Variants in COL5A2 observed in about 807,000 individuals in gnomAD.
The protein encoded by COL5A2 is collagen alpha-2(V) chain.
A neutral mutation model predicts 208.2 loss-of-function variants in COL5A2; 23 were observed. The ratio of observed to expected loss-of-function variants is 0.11; its 90% confidence interval spans 0.08 to 0.16. COL5A2 has a LOEUF of 0.16. Among genes scored for constraint, COL5A2 ranks in the 10% least tolerant of loss-of-function variants. COL5A2 has a pLI of 1.00. For synonymous variants in COL5A2, 625 were observed against 628.5 expected (o/e 0.99, Z 0.08); for missense variants, 1,590 against 1,956.4 (o/e 0.81, Z 3.53).
At chr2:189,080,858 A>C in intron 13 of COL5A2, 132 bp downstream of exon 13, 1 of 758,326 alleles carries the variant, frequency 1.3e-6, no homozygotes, top group Non-Finnish European at 2.4e-6. Context: ...CAGTAACCAC[A>C]GATGAATACT....
chr2:189,434,747 C>A, the COL5A2 span, among the ~76,000 whole-genome samples: 7 of 152,290 alleles, frequency 4.6e-5, no homozygotes, highest in Non-Finnish European at 4.4e-5. Flanking sequence ...AATGGCCATA[C>A]TGCCCAAGGT....
chr2:189,292,275 T>C, the COL5A2 span, among the ~76,000 whole-genome samples: 3 of 152,204 alleles, frequency 2.0e-5, no homozygotes, highest in Non-Finnish European at 4.4e-5. Context: ...AATTGGCTCA[T>C]GATTAACATC....
the COL5A2 span, among the ~76,000 whole-genome samples, chr2:189,253,357 C>A: frequency 6.6e-6 from 1 of 152,214 alleles, no homozygotes; most frequent in Non-Finnish European, 1.5e-5. Flanking sequence ...TCATTTTCCT[C>A]ATTTTTAATG....
chr2:189,048,349 T>C (rs1033163678), intron 44 of COL5A2, 87 bp from the exon 45 acceptor site: 104 of 1,189,648 alleles, frequency 8.7e-5, no homozygotes, highest in Admixed American at 1.8e-5. Flanking sequence ...CAGCATGTTT[T>C]ACACCTGTGT....
intron 2 of COL5A2, among the ~76,000 whole-genome samples, chr2:189,104,760 G>C (rs942979630): frequency 6.6e-6 from 1 of 151,482 alleles, no homozygotes; most frequent in Non-Finnish European, 1.5e-5. Flanking sequence ...TTGGTTTCTC[G>C]TATGTTGTTC....
chr2:189,163,575 AC>A (rs1688411730), intron 1 of COL5A2, among the ~76,000 whole-genome samples: 1 of 152,234 alleles, frequency 6.6e-6, no homozygotes, highest in Non-Finnish European at 1.5e-5. Context: ...CCTTAAATAA[AC>A]CATATTTAGG....
At chr2:189,437,776 G>A in the COL5A2 span, among the ~76,000 whole-genome samples, 3 of 152,092 alleles carry the variant, frequency 2.0e-5, no homozygotes, top group Non-Finnish European at 2.9e-5. Context: ...CAGAGCCCAA[G>A]GGCCTATCAC....
At chr2:189,115,467 C>T (rs978490814) in intron 1 of COL5A2, among the ~76,000 whole-genome samples, 17 of 150,766 alleles carry the variant, frequency 1.1e-4, no homozygotes, top group Non-Finnish European at 2.2e-4. Flanking sequence ...CCAAGAGAGA[C>T]GACTGTATTT....
intron 1 of COL5A2, among the ~76,000 whole-genome samples, chr2:189,133,263 C>T (rs537204773): frequency 1.4e-5 from 2 of 143,810 alleles, no homozygotes; most frequent in East Asian, 4.3e-4. Context: ...TGGGACTACA[C>T]CACCTGCCAC....
chr2:189,313,954 G>C, the COL5A2 span, among the ~76,000 whole-genome samples: 1 of 152,154 alleles, frequency 6.6e-6, no homozygotes, highest in African/African-American at 2.4e-5. Flanking sequence ...CAAGTTCTCA[G>C]AGACCTTCAG....
chr2:189,088,168 GA>G, intron 8 of COL5A2, among the ~76,000 whole-genome samples: 1 of 152,128 alleles, frequency 6.6e-6, no homozygotes, highest in South Asian at 2.1e-4. Context: ...AAATATCCAG[GA>G]AAAAAATGGG....
chr2:189,267,167 C>T, the COL5A2 span, among the ~76,000 whole-genome samples: 1 of 151,910 alleles, frequency 6.6e-6, no homozygotes, highest in Non-Finnish European at 1.5e-5. Context: ...TTATTTTTGA[C>T]CCTAAAAGCA....
At chr2:189,043,316 A>T in intron 47 of COL5A2, 58 bp from the exon 48 acceptor site, 1 of 1,198,528 alleles carries the variant, frequency 8.3e-7, no homozygotes, top group South Asian at 1.3e-5. Flanking sequence ...TGAGACTAAA[A>T]TTTACTAAAA....
At chr2:189,201,289 A>G (rs1399541695) in intron 1 of COL5A2, among the ~76,000 whole-genome samples, 1 of 152,028 alleles carries the variant, frequency 6.6e-6, no homozygotes, top group African/African-American at 2.4e-5. Context: ...ACAAAATATT[A>G]AAAAGAGGTT....
Position 189,043,218 on chromosome 2 carries a change from T to C in COL5A2, c.3404A>G (p.Asp1135Gly). ...GPRGDKGDHG[D>G]RGDRGQKGHR... is the part of the protein sequence containing the mutation. ...GCCCTTCTGACCTCTGTCACCTCGG[T>C]CTCCATGATCACCTTTGTCACCACG... The change falls in exon 48 of 54, where the codon GAC becomes GGC. Residue 1135 changes from aspartate to glycine, a missense_variant. Physicochemically the swap from Asp to Gly is moderately conservative, Grantham distance 94 (BLOSUM62 -1). Coordinates refer to ENST00000374866, the MANE Select transcript of COL5A2 (RefSeq NM_000393.5). 3 of 1,613,936 alleles carry C rather than the reference T, an allele frequency of 1.9e-6. No individual in the cohort carries two copies. The highest frequency in any genetic ancestry group is 2.5e-6 in the Non-Finnish European group (3 of 1,179,884).
At chr2:189,434,369 A>C in the COL5A2 span, among the ~76,000 whole-genome samples, 2 of 152,166 alleles carry the variant, frequency 1.3e-5, no homozygotes, top group African/African-American at 4.8e-5. Flanking sequence ...GTATTCAATT[A>C]GGAAAATAGG....
At chr2:189,339,308 G>A in the COL5A2 span, among the ~76,000 whole-genome samples, 8 of 147,596 alleles carry the variant, frequency 5.4e-5, no homozygotes, top group Non-Finnish European at 7.4e-5. Context: ...CTGAGACTGC[G>A]CCACTGCACT....
At chr2:189,258,683 G>T in the COL5A2 span, among the ~76,000 whole-genome samples, 1 of 152,152 alleles carries the variant, frequency 6.6e-6, no homozygotes, top group African/African-American at 2.4e-5. Context: ...TGTTAGAAGA[G>T]TTCTTTTTTT....
the COL5A2 span, among the ~76,000 whole-genome samples, chr2:189,237,018 G>C: frequency 6.6e-6 from 1 of 151,638 alleles, no homozygotes; most frequent in Non-Finnish European, 1.5e-5. Flanking sequence ...GATTAGAAAG[G>C]ATTCTCTGTC....
Sources: allele counts gnomAD v4.1 joint callset (sites outside exome capture counted in the v4.1 genomes callset), GRCh38; gene constraint gnomAD v4.1.1; transcripts MANE v1.5; gene names NCBI Gene and HGNC (gene_info 2026-07-23, HGNC 2026-07-21).